The following NAV1 variants were observed in gnomAD, a reference collection of about 807,000 sequenced individuals.
NAV1 encodes pore membrane and/or filament interacting like protein 3.
In NAV1, 18 loss-of-function variants were observed where a neutral mutation model predicts 175.2. That is an observed-to-expected ratio of 0.10 (90% CI 0.07 to 0.15). The LOEUF (loss-of-function observed/expected upper bound fraction) is 0.15, where lower values mean the gene tolerates loss of function less well. Ranked by LOEUF, NAV1 falls within the 10% of genes least tolerant of loss-of-function variation. The pLI is 1.00. For synonymous variants in NAV1, 897 were observed against 978.7 expected (o/e 0.92, Z 1.56); for missense variants, 1,731 against 2,436.6 (o/e 0.71, Z 6.10).
At chr1:201,662,401 T>A (rs551008685) in intron 1 of NAV1, among the ~76,000 whole-genome samples, 1 of 152,358 alleles carries the variant, frequency 6.6e-6, no homozygotes, top group East Asian at 1.9e-4. Flanking sequence ...GGCCAGTATG[T>A]CTGCTACAGG....
intron 1 of NAV1, among the ~76,000 whole-genome samples, chr1:201,709,905 G>A (rs1472360645): frequency 2.0e-5 from 3 of 151,994 alleles, no homozygotes; most frequent in Admixed American, 1.3e-4. Context: ...GCTCTCCAGA[G>A]ACACAGCAGG....
At chr1:201,564,212 C>T (rs1666288917) in intron 1 of NAV1, among the ~76,000 whole-genome samples, 1 of 151,638 alleles carries the variant, frequency 6.6e-6, no homozygotes, top group East Asian at 1.9e-4. Context: ...GGGTCTGGCT[C>T]ATTGTAGATG....
At chr1:201,683,458 A>G (rs1670547572) in intron 1 of NAV1, among the ~76,000 whole-genome samples, 2 of 152,140 alleles carry the variant, frequency 1.3e-5, no homozygotes. Flanking sequence ...CTAGATTCTC[A>G]TAAGGAGTGT....
intron 3 of NAV1, among the ~76,000 whole-genome samples, chr1:201,734,432 GAGGAA>G (rs1673001651): frequency 7.3e-6 from 1 of 136,204 alleles, no homozygotes; most frequent in Non-Finnish European, 1.6e-5. Context: ...AGAAGAAGAA[GAGGAA>G]GAAGAAGAAG....
chr1:201,793,680 C>T, intron 13 of NAV1, 112 bp from the exon 18 acceptor site: 2 of 863,896 alleles, frequency 2.3e-6, no homozygotes, highest in South Asian at 3.2e-5. Context: ...GGTTTGCTGG[C>T]ATTGGTCAGC....
intron 1 of NAV1, among the ~76,000 whole-genome samples, chr1:201,558,596 G>A (rs1240999196): frequency 6.6e-6 from 1 of 152,184 alleles, no homozygotes; most frequent in African/African-American, 2.4e-5. Context: ...GGGATTACAG[G>A]CGCACACCAC....
intron 1 of NAV1, among the ~76,000 whole-genome samples, chr1:201,545,378 T>A (rs1291295596): frequency 6.6e-6 from 1 of 151,476 alleles, no homozygotes; most frequent in Non-Finnish European, 1.5e-5. Context: ...TTTTAATTAA[T>A]TTATTTATTT....
intron 2 of NAV1, among the ~76,000 whole-genome samples, chr1:201,634,197 G>T (rs1668552077): frequency 6.6e-6 from 1 of 152,144 alleles, no homozygotes; most frequent in Non-Finnish European, 1.5e-5. Flanking sequence ...TTCCTCATAG[G>T]GTTTTGTGAG....
Position 201,710,662 on chromosome 1 carries a change from G to A in NAV1, c.758-2155G>A, listed in dbSNP as rs145760741. 1.5e-3 allele frequency among the ~76,000 whole-genome samples: 229 copies of A among 152,326 alleles called. 1 individual carries two copies. The highest frequency in any genetic ancestry group is 5.0e-3 in the African/African-American group (209 of 41,568). On this transcript the variant is annotated intron_variant, in intron 1 of 29. Coordinates refer to ENST00000367296, the Ensembl canonical transcript of NAV1. The stretch of plus-strand genomic sequence containing the variant: ...GATGCCCTGTGATATATCAAGACAA[G>A]TATGAGTTTCTTCCTGGGCTCAACT...
intron 1 of NAV1, among the ~76,000 whole-genome samples, chr1:201,677,006 C>T (rs539288943): frequency 6.6e-6 from 1 of 152,276 alleles, no homozygotes; most frequent in East Asian, 1.9e-4. Context: ...AATCCCAGCA[C>T]TTTAGGCGGC....
chr1:201,606,374 A>G (rs1014760990), intron 2 of NAV1, among the ~76,000 whole-genome samples: 4 of 152,206 alleles, frequency 2.6e-5, no homozygotes. Flanking sequence ...TCTGGCACTT[A>G]TAGCCACTCA....
intron 1 of NAV1, among the ~76,000 whole-genome samples, chr1:201,649,703 G>T (rs1669113495): frequency 6.6e-6 from 1 of 152,210 alleles, no homozygotes; most frequent in Non-Finnish European, 1.5e-5. Context: ...TGGGGGGTGA[G>T]GGGGTTACAG....
intron 3 of NAV1, among the ~76,000 whole-genome samples, chr1:201,759,989 G>A (rs879371853): frequency 2.0e-5 from 3 of 152,132 alleles, no homozygotes; most frequent in Non-Finnish European, 4.4e-5. Context: ...TTATCATCTG[G>A]TACTCCTGCC....
At chr1:201,564,328 A>G (rs1666292487) in intron 1 of NAV1, among the ~76,000 whole-genome samples, 1 of 152,064 alleles carries the variant, frequency 6.6e-6, no homozygotes, top group Non-Finnish European at 1.5e-5. Context: ...ATTACAGGGG[A>G]ATGGGGCCAG....
intron 1 of NAV1, among the ~76,000 whole-genome samples, chr1:201,669,460 G>A (rs557160689): frequency 5.6e-4 from 85 of 152,310 alleles, no homozygotes; most frequent in African/African-American, 1.9e-3. Flanking sequence ...AGGTGGCAGT[G>A]GTGCAACATG....
At chr1:201,657,034 C>T (rs1669432391) in intron 1 of NAV1, among the ~76,000 whole-genome samples, 1 of 152,192 alleles carries the variant, frequency 6.6e-6, no homozygotes, top group African/African-American at 2.4e-5. Context: ...GTCATGGGGT[C>T]TAGGATTCCA....
intron 3 of NAV1, among the ~76,000 whole-genome samples, chr1:201,734,367 C>A (rs988897914): frequency 6.6e-6 from 1 of 151,058 alleles, no homozygotes; most frequent in African/African-American, 2.4e-5. Context: ...CGTGTCCATG[C>A]CACTGCACTC....
chr1:201,782,877 A>G lies in NAV1; in HGVS notation c.2357+8A>G, dbSNP rs375419676. 303 of 1,555,806 alleles carry G rather than the reference A, an allele frequency of 1.9e-4. 1 individual carries two copies. The African/African-American group carries it at 3.2e-3, about 16-fold the overall frequency. On this transcript the variant is annotated splice_region_variant and intron_variant, in intron 6 of 29. Transcript: ENST00000367296. The surrounding 1 kb of genome is among the most constrained non-coding windows in gnomAD (Gnocchi z 5.4). ...GCCACCAACCCCTCTCAGGTACCCA[A>G]TGTGGGCAGCCGCCTCCTTGTCTGT...
intron 1 of NAV1, among the ~76,000 whole-genome samples, chr1:201,540,079 G>A (rs12048966): frequency 0.13 from 19,919 of 152,260 alleles, 2,362 homozygotes; most frequent in East Asian, 0.53. Flanking sequence ...ATAAAAACTG[G>A]TCATAGGATA....
Sources: allele counts gnomAD v4.1 joint callset (sites outside exome capture counted in the v4.1 genomes callset), GRCh38; gene constraint gnomAD v4.1.1; non-coding constraint Gnocchi (gnomAD v3.1); transcripts MANE v1.5; gene names NCBI Gene and HGNC (gene_info 2026-07-23, HGNC 2026-07-21).